Variants in SMAP1 observed in about 807,000 individuals in gnomAD.
The protein encoded by SMAP1 is stromal membrane-associated protein 1.
Under a neutral mutation model 58.5 loss-of-function variants are expected in SMAP1, and 24 were observed. The observed-to-expected ratio is 0.41, with a 90% CI of 0.30 to 0.58. SMAP1 has a LOEUF of 0.58. Among genes scored for constraint, SMAP1 ranks in the 20% least tolerant of loss-of-function variants. SMAP1 has a pLI of 0.29. For missense variants in SMAP1, 563 were observed against 566.3 expected, an observed-to-expected ratio of 0.99 and a Z score of 0.06; for synonymous variants, 216 against 196.6, an observed-to-expected ratio of 1.10 and a Z score of -0.82.
intron 6 of SMAP1, among the ~76,000 whole-genome samples, chr6:70,834,429 C>A (rs1770486973): frequency 6.6e-6 from 1 of 151,182 alleles, no homozygotes; most frequent in Non-Finnish European, 1.5e-5. Context: ...ATTTTAGTTC[C>A]TGTATTCCTA....
chr6:70,673,800 C>A (rs919469957), intron 1 of SMAP1, among the ~76,000 whole-genome samples: 2 of 152,196 alleles, frequency 1.3e-5, no homozygotes, highest in African/African-American at 4.8e-5. Context: ...GGTATCAGAG[C>A]TGAGATGGAA....
chr6:70,670,700 A>G (rs1191258140), intron 1 of SMAP1, among the ~76,000 whole-genome samples: 1 of 152,180 alleles, frequency 6.6e-6, no homozygotes, highest in Non-Finnish European at 1.5e-5. Context: ...TTTCAAAGTT[A>G]TTTCCTAGTT....
intron 2 of SMAP1, among the ~76,000 whole-genome samples, chr6:70,740,387 C>T (rs1173133258): frequency 6.6e-6 from 1 of 151,430 alleles, no homozygotes; most frequent in African/African-American, 2.4e-5. Flanking sequence ...GGCAAAATGC[C>T]GTCTCTACTG....
chr6:70,789,369 T>G (rs1206551199), intron 4 of SMAP1, among the ~76,000 whole-genome samples: 1 of 151,918 alleles, frequency 6.6e-6, no homozygotes, highest in Non-Finnish European at 1.5e-5. Context: ...TGGTGACTGA[T>G]CTGTTTTTTT....
At chr6:70,693,715 G>C (rs998201708) in intron 1 of SMAP1, 13 of 152,600 alleles carry the variant, frequency 8.5e-5, no homozygotes, top group Admixed American at 5.9e-4. Flanking sequence ...TAAAGCTTTG[G>C]CCTCCAGCTT....
At chr6:70,695,277 T>C (rs1240534586) in intron 1 of SMAP1, among the ~76,000 whole-genome samples, 4 of 152,194 alleles carry the variant, frequency 2.6e-5, no homozygotes, top group African/African-American at 9.6e-5. Flanking sequence ...CCTTTCTTTC[T>C]CTTGTCTGAT....
At chr6:70,838,263 A>C (rs886737043) in intron 7 of SMAP1, among the ~76,000 whole-genome samples, 3 of 152,208 alleles carry the variant, frequency 2.0e-5, no homozygotes, top group Admixed American at 6.5e-5. Flanking sequence ...AGAAATATAA[A>C]ATATAATCTA....
At chr6:70,720,142 G>A (rs1349786044) in intron 1 of SMAP1, among the ~76,000 whole-genome samples, 1 of 152,146 alleles carries the variant, frequency 6.6e-6, no homozygotes, top group Non-Finnish European at 1.5e-5. Flanking sequence ...ATACAATGGG[G>A]GTACAGGTAT....
chr6:70,746,241 G>T (rs1168556724), intron 2 of SMAP1, among the ~76,000 whole-genome samples: 1 of 152,158 alleles, frequency 6.6e-6, no homozygotes, highest in South Asian at 2.1e-4. Context: ...GGGCATCCTT[G>T]TCTTGTGCCA....
intron 1 of SMAP1, among the ~76,000 whole-genome samples, chr6:70,715,246 G>A (rs1333898557): frequency 1.3e-5 from 2 of 151,876 alleles, no homozygotes; most frequent in East Asian, 3.9e-4. Context: ...ACAAGCACTT[G>A]CCAGCATGCC....
chr6:70,752,407 T>G (rs1043376073), intron 2 of SMAP1, among the ~76,000 whole-genome samples: 5 of 152,228 alleles, frequency 3.3e-5, no homozygotes, highest in African/African-American at 1.2e-4. Context: ...GCCTGTTACT[T>G]AACATCTTTA....
chr6:70,750,638 T>C (rs1045326372), intron 2 of SMAP1, among the ~76,000 whole-genome samples: 4 of 152,214 alleles, frequency 2.6e-5, no homozygotes, highest in Non-Finnish European at 5.9e-5. Flanking sequence ...TTTTAAAATA[T>C]TGACTTCCAA....
At chr6:70,688,907 GT>G (rs1767042714) in intron 1 of SMAP1, among the ~76,000 whole-genome samples, 1 of 150,954 alleles carries the variant, frequency 6.6e-6, no homozygotes, top group Non-Finnish European at 1.5e-5. Flanking sequence ...ACAGTGTTAT[GT>G]TTTATATTTA....
chr6:70,706,483 T>TCAGC (rs2149833642), intron 1 of SMAP1, among the ~76,000 whole-genome samples: 1 of 152,320 alleles, frequency 6.6e-6, no homozygotes, highest in Non-Finnish European at 1.5e-5. Flanking sequence ...ATTATACTTT[T>TCAGC]ATCTGGCTGC....
intron 1 of SMAP1, among the ~76,000 whole-genome samples, chr6:70,716,941 T>C (rs1012789316): frequency 2.0e-5 from 3 of 152,192 alleles, no homozygotes; most frequent in Non-Finnish European, 4.4e-5. Context: ...TTGGCTTCTG[T>C]GCATTAGATA....
At chr6:70,776,404 C>T (rs1767549781) in intron 4 of SMAP1, among the ~76,000 whole-genome samples, 1 of 152,126 alleles carries the variant, frequency 6.6e-6, no homozygotes, top group African/African-American at 2.4e-5. Flanking sequence ...TGGTCTCGAT[C>T]TCTTGACCTC....
intron 1 of SMAP1, among the ~76,000 whole-genome samples, chr6:70,684,892 T>G (rs1232955961): frequency 1.3e-5 from 2 of 152,190 alleles, no homozygotes; most frequent in Non-Finnish European, 2.9e-5. Context: ...ACTGCTCTGT[T>G]TTGAAGGCTC....
At position 70,782,580 on chromosome 6, in the gene SMAP1, G is replaced by A. The variant is rs923839625; in HGVS notation, c.415-9109G>A. On this transcript the variant is annotated intron_variant, in intron 4 of 10. Coordinates refer to ENST00000370455, the MANE Select transcript of SMAP1 (RefSeq NM_001044305.3). ...TGGATGCTTCCTGCCCTGAAACATC[G>A]GACTCCAAGTTCTTTAGTTTTGGAA... 7.9e-5 allele frequency among the ~76,000 whole-genome samples: 12 copies of A among 152,082 alleles called. No individual in the cohort carries two copies. In the East Asian group the frequency reaches 1.2e-3, roughly 15 times the overall value.
chr6:70,858,673 CT>C (rs1771552545), intron 10 of SMAP1: 1 of 155,124 alleles, frequency 6.4e-6, no homozygotes, highest in African/African-American at 2.4e-5. Context: ...AAAATCTAGC[CT>C]CATATTCTCA....
Sources: allele counts gnomAD v4.1 joint callset (sites outside exome capture counted in the v4.1 genomes callset), GRCh38; gene constraint gnomAD v4.1.1; transcripts MANE v1.5; gene names NCBI Gene and HGNC (gene_info 2026-07-23, HGNC 2026-07-21).